The following AEBP2 variants were observed in gnomAD, a reference collection of about 807,000 sequenced individuals.
AEBP2 encodes the protein AE binding protein 2.
A neutral mutation model predicts 50.8 loss-of-function variants in AEBP2; 10 were observed. That is an observed-to-expected ratio of 0.20 (90% CI 0.12 to 0.33). The LOEUF is 0.33. Among genes scored for constraint, AEBP2 ranks in the 10% least tolerant of loss-of-function variants. AEBP2 has a pLI of 1.00. For missense variants in AEBP2, 570 were observed against 688.0 expected, an observed-to-expected ratio of 0.83 and a Z score of 1.92; for synonymous variants, 296 against 261.3, an observed-to-expected ratio of 1.13 and a Z score of -1.28.
intron 1 of AEBP2, among the ~76,000 whole-genome samples, chr12:19,444,305 A>C (rs1451538400): frequency 6.6e-6 from 1 of 152,260 alleles, no homozygotes; most frequent in Non-Finnish European, 1.5e-5. Context: ...TTATGCTAAA[A>C]AAGTTAATGC....
At chr12:19,464,079 G>A (rs1948427740) in intron 2 of AEBP2, among the ~76,000 whole-genome samples, 1 of 152,170 alleles carries the variant, frequency 6.6e-6, no homozygotes, top group Non-Finnish European at 1.5e-5. Context: ...CTTCTTGTTA[G>A]AGTTAATATG....
chr12:19,425,194 C>T (rs557366460), intron 1 of AEBP2, among the ~76,000 whole-genome samples: 7 of 152,202 alleles, frequency 4.6e-5, no homozygotes, highest in African/African-American at 1.2e-4. Flanking sequence ...GGTGGGTCAA[C>T]GACACAGTCC....
intron 4 of AEBP2, among the ~76,000 whole-genome samples, chr12:19,497,762 G>A (rs1004173600): frequency 3.3e-5 from 5 of 152,110 alleles, no homozygotes; most frequent in African/African-American, 7.2e-5. Context: ...GGCATGAGCC[G>A]CTGTGTCCAG....
intron 1 of AEBP2, among the ~76,000 whole-genome samples, chr12:19,407,234 G>A (rs746186764): frequency 3.3e-5 from 5 of 152,180 alleles, no homozygotes; most frequent in Non-Finnish European, 7.3e-5. Flanking sequence ...GAAGTTCAAC[G>A]CAAGGTTGCA....
intron 4 of AEBP2, among the ~76,000 whole-genome samples, chr12:19,496,411 G>A (rs780519709): frequency 7.4e-4 from 113 of 152,178 alleles, no homozygotes; most frequent in African/African-American, 2.6e-3. Context: ...ACTTTAAAAA[G>A]GATCCAAGGC....
rs780649282 is a variant in AEBP2 at position 19,493,868 on chromosome 12, C to T, written c.1056C>T (p.His352=). Residue 352 remains histidine, a synonymous_variant, in exon 4 of 8, where the codon CAC becomes CAT. Transcript: ENST00000266508. ...QGGLARHVPT[H]FSQQNSSKVS... is the part of the protein sequence containing the mutation. ...GGCTAGCTCGTCATGTACCCACACA[C>T]TTCAGTCAGCAGAACTCCTCAAAAG... 1.1e-5 allele frequency: 17 copies of T among 1,613,848 alleles called. No individual in the cohort carries two copies. The highest frequency in any genetic ancestry group is 1.1e-5 in the Non-Finnish European group (13 of 1,179,890).
At chr12:19,487,303 A>G (rs1948823419) in intron 3 of AEBP2, among the ~76,000 whole-genome samples, 1 of 152,168 alleles carries the variant, frequency 6.6e-6, no homozygotes, top group South Asian at 2.1e-4. Context: ...TAAGTACATA[A>G]TTTATATACA....
intron 3 of AEBP2, among the ~76,000 whole-genome samples, chr12:19,485,375 C>T (rs917662604): frequency 6.6e-6 from 1 of 151,868 alleles, no homozygotes; most frequent in Non-Finnish European, 1.5e-5. Context: ...TCTGAAGTAC[C>T]TGGCACTATG....
At chr12:19,473,468 C>G in intron 3 of AEBP2, 113 bp downstream of exon 3, 1 of 339,084 alleles carries the variant, frequency 2.9e-6, no homozygotes, top group South Asian at 1.2e-4. Context: ...TGCAATGGTG[C>G]CATCTTGGCT....
At chr12:19,443,695 C>T (rs1028005493) in intron 1 of AEBP2, among the ~76,000 whole-genome samples, 6 of 151,852 alleles carry the variant, frequency 4.0e-5, no homozygotes, top group African/African-American at 7.3e-5. Flanking sequence ...TGCACTCCAG[C>T]GTGGGCGACA....
chr12:19,440,352 G>T lies in AEBP2; in HGVS notation c.653G>T (p.Arg218Leu). 6.8e-7 allele frequency: 1 copy of T among 1,468,088 alleles called. No individual in the cohort carries two copies. The allele number at this position is 1,468,088 out of a possible 1,614,324, so 90.9% of individuals were successfully genotyped here. ...EMSSDGEPLS[R>L]MDSEDSISST... ...TCGTCGGATGGGGAACCCCTGAGCC[G>T]CATGGACTCGGAGGACAGGTCAGTG... The change falls in exon 1 of 8, where the codon CGC becomes CTC. Residue 218 changes from arginine to leucine, a missense_variant. By Grantham distance (102) the Arg-to-Leu change is moderately radical. This residue lies in a region of AEBP2 where 386 missense variants were observed against 336.8 expected (regional missense o/e 1.15). Transcript: ENST00000266508.
At chr12:19,465,621 G>T (rs555461294) in intron 2 of AEBP2, among the ~76,000 whole-genome samples, 1 of 151,646 alleles carries the variant, frequency 6.6e-6, no homozygotes, top group Non-Finnish European at 1.5e-5. Flanking sequence ...CCAACTCCTC[G>T]ACTCAAGCGA....
At chr12:19,438,762 A>G (rs539801759), upstream of AEBP2, among the ~76,000 whole-genome samples, 10 of 152,242 alleles carry the variant, frequency 6.6e-5, no homozygotes, top group Non-Finnish European at 1.5e-4. Context: ...TGCAACGTCA[A>G]TATGAGTTCC....
chr12:19,438,662 CAATTT>C (rs1196814100), upstream of AEBP2, among the ~76,000 whole-genome samples: 3 of 152,276 alleles, frequency 2.0e-5, no homozygotes, highest in Non-Finnish European at 4.4e-5. Flanking sequence ...CCAGATACTT[CAATTT>C]ATGTTCACAT....
intron 3 of AEBP2, among the ~76,000 whole-genome samples, chr12:19,484,179 G>A (rs1006116171): frequency 1.3e-5 from 2 of 151,200 alleles, no homozygotes; most frequent in Non-Finnish European, 2.9e-5. Context: ...CACCTCCTCA[G>A]TTCAATTGAT....
intron 1 of AEBP2, 46 bp from the exon 2 acceptor site, chr12:19,462,464 T>G: frequency 7.0e-7 from 1 of 1,431,136 alleles, no homozygotes; most frequent in Non-Finnish European, 9.6e-7. Flanking sequence ...CATATTCATG[T>G]TAGTGAATTT....
intron 1 of AEBP2, among the ~76,000 whole-genome samples, chr12:19,420,621 C>T (rs545271257): frequency 3.3e-5 from 5 of 152,260 alleles, no homozygotes; most frequent in Non-Finnish European, 7.4e-5. Context: ...CCACTGCGCC[C>T]GGCCAATAGC....
rs371361853 is a variant in AEBP2 at position 19,413,341 on chromosome 12, G to T, written c.-17+9125G>T. 1,121 of 1,088,956 alleles carry T rather than the reference G, an allele frequency of 1.0e-3. 24 individuals are homozygous for T. The South Asian group carries it at 0.013, about 13-fold the overall frequency. The allele number at this position is 1,088,956 out of a possible 1,614,324, so 67.5% of individuals were successfully genotyped here. A position where few individuals can be genotyped will look rare whatever the true frequency, so the allele number is the denominator to read the frequency against. ...TGGCAAGATATGGACAACTGAGAAGGTGTCAGAACAAGGTTTAATAGAAAT... is the reference window on the plus strand; with the variant it reads ...TGGCAAGATATGGACAACTGAGAAGTTGTCAGAACAAGGTTTAATAGAAAT... On this transcript the variant is annotated intron_variant, in intron 1 of 3. Transcript: ENST00000538425.
intron 2 of AEBP2, among the ~76,000 whole-genome samples, chr12:19,470,897 A>AT (rs1948561782): frequency 6.6e-6 from 1 of 152,212 alleles, no homozygotes; most frequent in Admixed American, 6.5e-5. Context: ...TGTTACAGGA[A>AT]TGATGTTGAT....
Sources: allele counts gnomAD v4.1 joint callset (sites outside exome capture counted in the v4.1 genomes callset), GRCh38; gene constraint gnomAD v4.1.1; regional missense constraint gnomAD v4.1.1; transcripts MANE v1.5; gene names NCBI Gene and HGNC (gene_info 2026-07-23, HGNC 2026-07-21).